Variants in FBXL7 observed in about 807,000 individuals in gnomAD.
FBXL7 encodes F-box and leucine rich repeat protein 7, also known as F-box/LRR-repeat protein 7.
In FBXL7, 12 loss-of-function variants were observed where a neutral mutation model predicts 38.3. That is an observed-to-expected ratio of 0.31 (90% CI 0.20 to 0.51). The LOEUF (loss-of-function observed/expected upper bound fraction) is 0.51, where lower values mean the gene tolerates loss of function less well. FBXL7 is among the 20% of genes least tolerant of loss of function. FBXL7 has a pLI of 0.98. For missense variants in FBXL7, 567 were observed against 676.4 expected (o/e 0.84, Z 1.79); for synonymous variants, 297 against 300.9 (o/e 0.99, Z 0.13).
chr5:15,794,436 G>A (rs1737361505), intron 2 of FBXL7, among the ~76,000 whole-genome samples: 1 of 151,510 alleles, frequency 6.6e-6, no homozygotes, highest in Non-Finnish European at 1.5e-5. Context: ...AAGGCCATCA[G>A]CATTTTATAG....
At position 15,520,330 on chromosome 5, in the gene FBXL7, C is replaced by G. The variant is rs146787758; in HGVS notation, c.37+19617C>G. 2.1e-3 allele frequency among the ~76,000 whole-genome samples: 325 copies of G among 152,298 alleles called. 1 individual carries two copies. Among genetic ancestry groups the G allele is most frequent in the Middle Eastern group, 0.021 (6 of 292 alleles). ...AGCCTTATTTTACCCAGCTGCTATT[C>G]AAGATGGAGTTGCTCTGGTTCACAC... On this transcript the variant is annotated intron_variant, in intron 1 of 3. Coordinates refer to ENST00000504595, the MANE Select transcript of FBXL7 (RefSeq NM_012304.5).
chr5:15,544,761 C>A (rs147067304), intron 1 of FBXL7, among the ~76,000 whole-genome samples: 1 of 152,230 alleles, frequency 6.6e-6, no homozygotes, highest in East Asian at 1.9e-4. Flanking sequence ...TTCATTGTGG[C>A]CCTTATTGTT....
intron 2 of FBXL7, among the ~76,000 whole-genome samples, chr5:15,744,883 G>A (rs1432983007): frequency 6.6e-6 from 1 of 152,048 alleles, no homozygotes; most frequent in South Asian, 2.1e-4. Flanking sequence ...TGAGCAAAAA[G>A]GGGAAAGCCC....
intron 3 of FBXL7, among the ~76,000 whole-genome samples, chr5:15,932,691 C>T (rs1742067336): frequency 6.6e-6 from 1 of 152,056 alleles, no homozygotes; most frequent in South Asian, 2.1e-4. Context: ...TGGGATGTGT[C>T]TATTATCTTA....
intron 1 of FBXL7, among the ~76,000 whole-genome samples, chr5:15,528,894 A>G (rs1737332692): frequency 6.6e-6 from 1 of 152,256 alleles, no homozygotes; most frequent in African/African-American, 2.4e-5. Flanking sequence ...AAATCAAGCT[A>G]ATAAACGTGC....
At chr5:15,551,516 C>T (rs988541808) in intron 1 of FBXL7, among the ~76,000 whole-genome samples, 2 of 152,196 alleles carry the variant, frequency 1.3e-5, no homozygotes, top group Non-Finnish European at 2.9e-5. Flanking sequence ...TGTTAGCAGG[C>T]CCAAGAGGAA....
chr5:15,801,667 GTGTGTGTGTGTT>G (rs1561131731), intron 2 of FBXL7, among the ~76,000 whole-genome samples: 7 of 144,600 alleles, frequency 4.8e-5, no homozygotes, highest in African/African-American at 7.4e-5. Flanking sequence ...GCGCGCGCGC[GTGTGTGTGTGTT>G]TGTGTGTGTG....
intron 2 of FBXL7, among the ~76,000 whole-genome samples, chr5:15,809,442 A>AG (rs1737798569): frequency 6.6e-6 from 1 of 152,216 alleles, no homozygotes; most frequent in African/African-American, 2.4e-5. Flanking sequence ...AGAGAAGACC[A>AG]ATAATAGAAT....
At chr5:15,542,664 C>A (rs1200471720) in intron 1 of FBXL7, among the ~76,000 whole-genome samples, 2 of 152,118 alleles carry the variant, frequency 1.3e-5, no homozygotes, top group Non-Finnish European at 2.9e-5. Flanking sequence ...CACAAATGAC[C>A]TTTTGTGATG....
chr5:15,713,514 CACAT>C (rs1316646176), intron 2 of FBXL7, among the ~76,000 whole-genome samples: 2 of 152,172 alleles, frequency 1.3e-5, no homozygotes, highest in African/African-American at 2.4e-5. Flanking sequence ...ATCATCAAAA[CACAT>C]ACAACAACTT....
intron 1 of FBXL7, among the ~76,000 whole-genome samples, chr5:15,558,176 A>G (rs1000780938): frequency 1.3e-5 from 2 of 152,222 alleles, no homozygotes; most frequent in African/African-American, 4.8e-5. Flanking sequence ...CAAAATTTTT[A>G]AAAAGAAAGA....
At chr5:15,770,098 C>T (rs1736690091) in intron 2 of FBXL7, among the ~76,000 whole-genome samples, 1 of 152,122 alleles carries the variant, frequency 6.6e-6, no homozygotes, top group East Asian at 1.9e-4. Context: ...GATGGATTTG[C>T]TCTGTTGATT....
intron 2 of FBXL7, among the ~76,000 whole-genome samples, chr5:15,682,803 A>G (rs1475652266): frequency 6.6e-6 from 1 of 152,206 alleles, no homozygotes; most frequent in Non-Finnish European, 1.5e-5. Context: ...CTGTTGCCAC[A>G]TGGCTTCTGA....
intron 2 of FBXL7, among the ~76,000 whole-genome samples, chr5:15,760,240 C>T (rs933716788): frequency 1.3e-5 from 2 of 152,012 alleles, no homozygotes; most frequent in Non-Finnish European, 2.9e-5. Flanking sequence ...ACAAAGCATG[C>T]ACAAACCATA....
At chr5:15,711,833 A>T (rs917955476) in intron 2 of FBXL7, among the ~76,000 whole-genome samples, 2 of 152,250 alleles carry the variant, frequency 1.3e-5, no homozygotes, top group African/African-American at 4.8e-5. Context: ...GTTGAGAAAC[A>T]TATAAAAATG....
At chr5:15,736,568 A>C (rs1298713881) in intron 2 of FBXL7, among the ~76,000 whole-genome samples, 1 of 152,218 alleles carries the variant, frequency 6.6e-6, no homozygotes, top group African/African-American at 2.4e-5. Context: ...AATTATTTCT[A>C]AGTGCAAAAG....
At chr5:15,516,634 G>A (rs2126365729) in intron 1 of FBXL7, among the ~76,000 whole-genome samples, 1 of 152,086 alleles carries the variant, frequency 6.6e-6, no homozygotes, top group Middle Eastern at 3.4e-3. Context: ...CATGTCGTGG[G>A]AGGGACTTCG....
intron 2 of FBXL7, among the ~76,000 whole-genome samples, chr5:15,833,098 A>T (rs1579503400): frequency 6.6e-6 from 1 of 152,154 alleles, no homozygotes; most frequent in East Asian, 1.9e-4. Context: ...GGAACTGTGA[A>T]TTGATTAAAC....
intron 2 of FBXL7, among the ~76,000 whole-genome samples, chr5:15,867,538 C>A (rs1375013742): frequency 6.6e-6 from 1 of 152,192 alleles, no homozygotes; most frequent in Admixed American, 6.5e-5. Context: ...AAATGCCCCT[C>A]TGGGAAGTAC....
Sources: allele counts gnomAD v4.1 joint callset (sites outside exome capture counted in the v4.1 genomes callset), GRCh38; gene constraint gnomAD v4.1.1; transcripts MANE v1.5; gene names NCBI Gene and HGNC (gene_info 2026-07-23, HGNC 2026-07-21).